The following ZNF500 variants were observed in gnomAD, a reference collection of about 807,000 sequenced individuals.
ZNF500 encodes the protein zinc finger protein with KRAB and SCAN domains 18.
Under a neutral mutation model 30.1 loss-of-function variants are expected in ZNF500, and 31 were observed. That is an observed-to-expected ratio of 1.03 (90% CI 0.77 to 1.39). The LOEUF is 1.39. Among genes scored for constraint, ZNF500 ranks in the 40% most tolerant of loss-of-function variants. The probability of loss-of-function intolerance (pLI) is 0.00; values close to 1 mark genes in which losing one functional copy is unlikely to be tolerated. For missense variants in ZNF500, 817 were observed against 657.8 expected (o/e 1.24, Z -2.65); for synonymous variants, 392 against 282.0 (o/e 1.39, Z -3.91).
At chr16:4,744,875 A>G, downstream of ZNF500, 5 of 1,612,748 alleles carry the variant, frequency 3.1e-6, no homozygotes, top group Non-Finnish European at 3.4e-6. Context: ...CTCAGACCGC[A>G]TGGTGCCGAG....
rs1341604061 is a variant in ZNF500 at position 4,765,840 on chromosome 16, C to T, written c.139G>A (p.Glu47Lys). The change falls in exon 2 of 6, where the codon GAG becomes AAG. Residue 47 changes from glutamate to lysine, a missense_variant. Glu to Lys is a moderately conservative substitution (Grantham distance 56). Transcript: ENST00000219478. ...AGCCGGAAGAGCTGGCGGAAAGTCT[C>T]AGGGCTGGGGTCCTCCGTCTCCACG... ...PSVETEDPSP[E>K]TFRQLFRLFC... 7 of 1,613,672 alleles carry T rather than the reference C, an allele frequency of 4.3e-6. No homozygotes were observed. Among genetic ancestry groups the T allele is most frequent in the Non-Finnish European group, 5.9e-6 (7 of 1,180,028 alleles).
At chr16:4,747,730 G>A (rs1018191050), downstream of ZNF500, 6 of 1,385,290 alleles carry the variant, frequency 4.3e-6, no homozygotes, top group African/African-American at 5.8e-5. Flanking sequence ...CACTAGCAGG[G>A]GCATTCCAGA....
At chr16:4,747,818 T>G (rs369019120), downstream of ZNF500, among the ~76,000 whole-genome samples, 1 of 152,102 alleles carries the variant, frequency 6.6e-6, no homozygotes, top group South Asian at 2.1e-4. Flanking sequence ...AGAGGAAGGA[T>G]GCAGATACAA....
intron 4 of ZNF500, among the ~76,000 whole-genome samples, chr16:4,761,262 C>T (rs890751512): frequency 1.3e-5 from 2 of 151,910 alleles, no homozygotes; most frequent in African/African-American, 4.8e-5. Context: ...CATGGTGAAA[C>T]CCCATCTGTA....
Position 4,748,614 on chromosome 16 carries a change from C to G in ZNF500, c.*3762G>C, listed in dbSNP as rs1043667437. 9 of 152,466 alleles carry G rather than the reference C, an allele frequency of 5.9e-5. No individual in the cohort carries two copies. The highest frequency in any genetic ancestry group is 2.2e-4 in the African/African-American group (9 of 41,588). The allele number at this position is 152,466 out of a possible 1,614,324, so 9.4% of individuals were successfully genotyped here. ...AGGACAAGCCTGGTCTTCCTGGGTC[C>G]TGTTCCTTTGCCAGCACCGTCTTGC... On this transcript the variant is annotated 3_prime_UTR_variant, in exon 6 of 6. Transcript: ENST00000219478.
At chr16:4,754,887 A>G (rs1230608206) in intron 5 of ZNF500, among the ~76,000 whole-genome samples, 1 of 151,986 alleles carries the variant, frequency 6.6e-6, no homozygotes, top group Non-Finnish European at 1.5e-5. Flanking sequence ...TTTCTCATGA[A>G]TGGTTTGGCA....
intron 2 of ZNF500, 136 bp from the exon 3 acceptor site, chr16:4,762,892 G>A: frequency 1.4e-6 from 2 of 1,416,114 alleles, no homozygotes; most frequent in Non-Finnish European, 1.8e-6. Context: ...CCCTCCCTCT[G>A]CCCAGCCGTG....
downstream of ZNF500, chr16:4,747,211 A>G: frequency 7.8e-7 from 1 of 1,277,344 alleles, no homozygotes; most frequent in East Asian, 2.3e-5. Flanking sequence ...GGCAGCAGTG[A>G]TGGGCTGCCT....
At chr16:4,765,416 C>A in intron 2 of ZNF500, 149 bp downstream of exon 2, 1 of 1,119,670 alleles carries the variant, frequency 8.9e-7, no homozygotes, top group Non-Finnish European at 1.3e-6. Context: ...TTAGCCAAGG[C>A]TGAGAAATCT....
chr16:4,745,146 AG>A, downstream of ZNF500: 2 of 1,161,706 alleles, frequency 1.7e-6, no homozygotes, highest in Non-Finnish European at 2.4e-6. Flanking sequence ...CTGATCAGGC[AG>A]TCGCTCCAGT....
intron 2 of ZNF500, chr16:4,764,124 G>A (rs562512711): frequency 2.5e-5 from 25 of 984,440 alleles, no homozygotes; most frequent in East Asian, 1.1e-4. Context: ...TAGAGATTTC[G>A]GTGTGTCAGA....
intron 5 of ZNF500, 71 bp downstream of exon 5, chr16:4,760,421 C>T (rs2082184836): frequency 1.4e-6 from 2 of 1,446,528 alleles, no homozygotes; most frequent in Non-Finnish European, 1.9e-6. Context: ...CAGAACCAAG[C>T]CCCGGAGCTG....
rs947827732 is a variant in ZNF500 at position 4,748,495 on chromosome 16, G to T, written c.*3881C>A. 6.6e-6 allele frequency: 1 copy of T among 152,190 alleles called. No homozygotes were observed. Among genetic ancestry groups the T allele is most frequent in the Non-Finnish European group, 1.5e-5 (1 of 68,046 alleles). 9.4% of individuals were successfully genotyped at this position (152,190 alleles called of 1,614,324 possible). ...AATACTGGAAACCCCTGGAAATGCT[G>T]TCCTGTGTAGAATGGAGCAGCGGCC... On this transcript the variant is annotated 3_prime_UTR_variant, in exon 6 of 6. Coordinates refer to ENST00000219478, the MANE Select transcript of ZNF500 (RefSeq NM_021646.4).
chr16:4,765,122 G>T (rs1054739073), intron 2 of ZNF500, among the ~76,000 whole-genome samples: 7 of 152,070 alleles, frequency 4.6e-5, no homozygotes, highest in Admixed American at 4.6e-4. Context: ...GCAACATAAC[G>T]AAACCCTGTC....
In ZNF500 at chr16:4,752,454, G is replaced by C. The variant is rs941747026; in HGVS notation, c.1365C>G (p.His455Gln). Reference sequence around the variant, plus strand: ...AGCCTGCCCCCATGTGGGTCCGCTGGTGCTTGTGCAGGTCGGTGCCCCGGC... The same window carrying C: ...AGCCTGCCCCCATGTGGGTCCGCTGCTGCTTGTGCAGGTCGGTGCCCCGGC... ...GFRRGTDLHK[H>Q]QRTHMGAGSL... The change falls in exon 6 of 6, where the codon CAC becomes CAG. Residue 455 changes from histidine to glutamine, a missense_variant. His to Gln is a conservative substitution (Grantham distance 24). Coordinates refer to ENST00000219478, the MANE Select transcript of ZNF500 (RefSeq NM_021646.4). 1 of 1,542,560 alleles carries C rather than the reference G, an allele frequency of 6.5e-7. No individual in the cohort carries two copies. The highest frequency in any genetic ancestry group is 1.4e-5 in the African/African-American group (1 of 73,168).
intron 2 of ZNF500, chr16:4,763,907 A>C (rs1366390431): frequency 1.0e-6 from 1 of 985,304 alleles, no homozygotes; most frequent in African/African-American, 1.7e-5. Flanking sequence ...AGCCAGCAGC[A>C]CTGCCACAGG....
chr16:4,765,968 A>T lies in ZNF500; in HGVS notation c.11T>A (p.Val4Asp). The change falls in exon 2 of 6, where the codon GTC (valine) becomes GAC (aspartate). Residue 4 changes from valine (V) to aspartate (D), a missense_variant. Physicochemically the swap from Val to Asp is radical, Grantham distance 152. Transcript: ENST00000219478. MAT[V>D]PGLQPLPTLE... ...GGTTGGCAGGGGCTGGAGGCCAGGG[A>T]CAGTGGCCATTGCTTCCGGTGGGCC... 6.4e-7 allele frequency: 1 copy of T among 1,563,596 alleles called. No homozygotes were observed. The highest frequency in any genetic ancestry group is 8.6e-7 in the Non-Finnish European group (1 of 1,158,310).
chr16:4,766,046 C>G lies in ZNF500; in HGVS notation c.-68G>C, dbSNP rs993668384. On this transcript the variant is annotated 5_prime_UTR_variant, in exon 2 of 6. Transcript: ENST00000219478. The stretch of plus-strand genomic sequence containing the variant: ...ACCTGTCTCTCTCTATACCTCTGGC[C>G]AGACACAGGAAGAGAGTTTTTTTCA... 6 of 1,487,918 alleles carry G rather than the reference C, an allele frequency of 4.0e-6. No individual in the cohort carries two copies. Among genetic ancestry groups the G allele is most frequent in the Non-Finnish European group, 4.4e-6 (5 of 1,123,716 alleles). 92.2% of individuals were successfully genotyped at this position (1,487,918 alleles called of 1,614,324 possible).
intron 4 of ZNF500, among the ~76,000 whole-genome samples, chr16:4,761,703 A>C (rs931881434): frequency 7.3e-5 from 11 of 151,182 alleles, no homozygotes; most frequent in African/African-American, 2.0e-4. Flanking sequence ...CAAAAAAAAA[A>C]CAACTAGCCG....
Sources: allele counts gnomAD v4.1 joint callset (sites outside exome capture counted in the v4.1 genomes callset), GRCh38; gene constraint gnomAD v4.1.1; transcripts MANE v1.5; gene names NCBI Gene and HGNC (gene_info 2026-07-23, HGNC 2026-07-21).